Variants in RPH3A observed in about 807,000 individuals in gnomAD.
RPH3A encodes the protein rabphilin-3A.
Under a neutral mutation model 102.2 loss-of-function variants are expected in RPH3A, and 48 were observed. The ratio of observed to expected loss-of-function variants is 0.47; its 90% confidence interval spans 0.37 to 0.60. The LOEUF (loss-of-function observed/expected upper bound fraction) is 0.60, where lower values mean the gene tolerates loss of function less well. Among genes scored for constraint, RPH3A ranks in the 20% least tolerant of loss-of-function variants. RPH3A has a pLI of 0.00. For missense variants in RPH3A, 781 were observed against 910.1 expected (o/e 0.86, Z 1.83); for synonymous variants, 310 against 324.3 (o/e 0.96, Z 0.47).
intron 1 of RPH3A, among the ~76,000 whole-genome samples, chr12:112,644,406 C>G (rs1320121312): frequency 6.6e-6 from 1 of 152,134 alleles, no homozygotes; most frequent in East Asian, 1.9e-4. Context: ...CAGAGTTAAC[C>G]TACCTGAGGG....
chr12:112,691,866 C>T (rs1488603828), intron 1 of RPH3A, among the ~76,000 whole-genome samples: 1 of 152,152 alleles, frequency 6.6e-6, no homozygotes, highest in African/African-American at 2.4e-5. Flanking sequence ...CACCATCATT[C>T]CATTTTACAG....
intron 1 of RPH3A, among the ~76,000 whole-genome samples, chr12:112,650,484 G>A: frequency 6.6e-6 from 1 of 152,132 alleles, no homozygotes; most frequent in East Asian, 1.9e-4. Flanking sequence ...GTAGGAAGAA[G>A]CCAAGAAGAA....
intron 2 of RPH3A, 123 bp downstream of exon 2, chr12:112,792,386 T>C (rs193058575): frequency 6.6e-6 from 1 of 152,364 alleles, no homozygotes; most frequent in East Asian, 1.9e-4. Context: ...GAGGAACGAC[T>C]ATGCTTATTT....
chr12:112,629,491 T>C (rs894404029), intron 1 of RPH3A, among the ~76,000 whole-genome samples: 1 of 142,530 alleles, frequency 7.0e-6, no homozygotes, highest in Non-Finnish European at 1.5e-5. Context: ...TTTTTTGAGA[T>C]GTGGTCTTGC....
At chr12:112,855,858 A>G (rs1393961887) in intron 5 of RPH3A, among the ~76,000 whole-genome samples, 12 of 152,058 alleles carry the variant, frequency 7.9e-5, no homozygotes, top group Admixed American at 7.9e-4. Context: ...GGATTCTGGA[A>G]TTGATGGTGT....
intron 20 of RPH3A, 43 bp downstream of exon 20, chr12:112,894,702 G>A (rs1381068446): frequency 1.3e-6 from 2 of 1,567,172 alleles, no homozygotes; most frequent in African/African-American, 2.7e-5. Flanking sequence ...GATATTTGCT[G>A]TGTGTTAGAG....
intron 1 of RPH3A, among the ~76,000 whole-genome samples, chr12:112,633,436 A>G (rs1160753926): frequency 6.6e-6 from 1 of 152,060 alleles, no homozygotes; most frequent in Non-Finnish European, 1.5e-5. Flanking sequence ...CTGTTCATGG[A>G]TTAATGGATT....
Position 112,883,386 on chromosome 12 carries a change from C to A in RPH3A, c.1420C>A (p.Gln474Lys). 3 of 1,613,618 alleles carry A rather than the reference C, an allele frequency of 1.9e-6. No individual in the cohort carries two copies. Among genetic ancestry groups the A allele is most frequent in the Non-Finnish European group, 2.5e-6 (3 of 1,179,614 alleles). The change falls in exon 16 of 22, where the codon CAA becomes AAA. Residue 474 changes from glutamine to lysine, a missense_variant. This residue lies in a region of RPH3A where 730 missense variants were observed against 810.0 expected (regional missense o/e 0.90). Coordinates refer to ENST00000389385, the MANE Select transcript of RPH3A (RefSeq NM_001143854.2). ...TCACGGCATCACCGATGAGGACATG[C>A]AAAGGAAGACCCTCAGGTACCTGGC... is the stretch of plus-strand genomic sequence containing the variant. ...VYHGITDEDMQRKTLRISVCD... is the reference protein window; with the variant it reads ...VYHGITDEDMKRKTLRISVCD...
chr12:112,827,352 C>T (rs1461400176), intron 2 of RPH3A, among the ~76,000 whole-genome samples: 2 of 152,142 alleles, frequency 1.3e-5, no homozygotes, highest in East Asian at 1.9e-4. Context: ...ATCATGTTTT[C>T]GAGGTTCACC....
intron 4 of RPH3A, among the ~76,000 whole-genome samples, chr12:112,838,229 T>TC (rs1431145174): frequency 6.6e-6 from 1 of 152,160 alleles, no homozygotes; most frequent in East Asian, 1.9e-4. Flanking sequence ...ACAGAGGAGT[T>TC]CCCAGTGGGG....
At chr12:112,706,122 G>A (rs1007768209) in intron 1 of RPH3A, among the ~76,000 whole-genome samples, 1 of 152,122 alleles carries the variant, frequency 6.6e-6, no homozygotes, top group Non-Finnish European at 1.5e-5. Flanking sequence ...AGACACTTTT[G>A]GTGCCTCTCC....
intron 1 of RPH3A, among the ~76,000 whole-genome samples, chr12:112,689,227 G>A (rs2040289079): frequency 6.6e-6 from 1 of 152,156 alleles, no homozygotes; most frequent in Non-Finnish European, 1.5e-5. Flanking sequence ...CCATGGAATT[G>A]GGAGACAATA....
At chr12:112,808,258 G>A (rs371414943) in intron 2 of RPH3A, among the ~76,000 whole-genome samples, 2 of 152,170 alleles carry the variant, frequency 1.3e-5, no homozygotes, top group East Asian at 3.8e-4. Flanking sequence ...AGAACGTGAA[G>A]GTCTTTTATG....
rs2041107099 is a variant in RPH3A at position 112,791,788 on chromosome 12, C to T, written c.-364C>T. 6.7e-6 allele frequency: 1 copy of T among 150,132 alleles called. No homozygotes were observed. Among genetic ancestry groups the T allele is most frequent in the Non-Finnish European group, 1.5e-5 (1 of 67,836 alleles). 9.3% of individuals were successfully genotyped at this position (150,132 alleles called of 1,614,324 possible). The stretch of plus-strand genomic sequence containing the variant: ...GTAGTGGTGGCAGCCGCGGCAGAAA[C>T]TGGCTCTGGGGAAGCAATTGATTCG... On this transcript the variant is annotated 5_prime_UTR_variant, in exon 1 of 22. Transcript: ENST00000389385.
chr12:112,600,347 G>A (rs144343975), intron 1 of RPH3A, among the ~76,000 whole-genome samples: 49 of 152,250 alleles, frequency 3.2e-4, no homozygotes, highest in African/African-American at 1.1e-3. Flanking sequence ...CATTATTACC[G>A]ATAACAACCA....
intron 1 of RPH3A, among the ~76,000 whole-genome samples, chr12:112,683,830 G>T (rs938433478): frequency 6.6e-6 from 1 of 152,186 alleles, no homozygotes; most frequent in Admixed American, 6.5e-5. Flanking sequence ...CTTAAGGAGA[G>T]AACTGGTCAA....
At chr12:112,722,863 C>T (rs567681536) in intron 1 of RPH3A, among the ~76,000 whole-genome samples, 15 of 152,310 alleles carry the variant, frequency 9.8e-5, no homozygotes, top group African/African-American at 3.6e-4. Flanking sequence ...TACTCTCCAC[C>T]TCTGGACTCA....
intron 1 of RPH3A, among the ~76,000 whole-genome samples, chr12:112,755,296 T>TAC (rs1323813333): frequency 7.0e-4 from 67 of 95,220 alleles, no homozygotes; most frequent in Middle Eastern, 4.7e-3. Context: ...TATATATGTA[T>TAC]ATACACACAC....
intron 1 of RPH3A, among the ~76,000 whole-genome samples, chr12:112,759,339 C>T (rs1200622681): frequency 6.6e-6 from 1 of 152,140 alleles, no homozygotes; most frequent in Non-Finnish European, 1.5e-5. Flanking sequence ...CCACACCTTG[C>T]TTGGAGATGG....
Sources: allele counts gnomAD v4.1 joint callset (sites outside exome capture counted in the v4.1 genomes callset), GRCh38; gene constraint gnomAD v4.1.1; regional missense constraint gnomAD v4.1.1; transcripts MANE v1.5; gene names NCBI Gene and HGNC (gene_info 2026-07-23, HGNC 2026-07-21).